The following POLR3B variants were observed in gnomAD, a reference collection of about 807,000 sequenced individuals.
The protein encoded by POLR3B is DNA-directed RNA polymerase III subunit RPC2.
In POLR3B, 96 loss-of-function variants were observed where a neutral mutation model predicts 147.4. The observed-to-expected ratio is 0.65, with a 90% CI of 0.55 to 0.77. The LOEUF is 0.77. Among genes scored for constraint, POLR3B ranks in the 30% least tolerant of loss-of-function variants. POLR3B has a pLI of 0.00. For missense variants in POLR3B, 1,036 were observed against 1,413.5 expected (o/e 0.73, Z 4.28); for synonymous variants, 461 against 485.9 (o/e 0.95, Z 0.67).
intron 19 of POLR3B, chr12:106,446,337 G>A (rs1565899036): frequency 4.7e-6 from 2 of 425,094 alleles, no homozygotes; most frequent in South Asian, 3.4e-5. Flanking sequence ...CTATCTCTAT[G>A]TAGTGAAGCT....
rs1565894791 is a variant in POLR3B, at chr12:106,432,448, C to G, written c.1595C>G (p.Ser532Cys). 2.5e-6 allele frequency: 4 copies of G among 1,613,330 alleles called. No individual in the cohort carries two copies. The highest frequency in any genetic ancestry group is 3.4e-6 in the Non-Finnish European group (4 of 1,179,334). The change falls in exon 15 of 28, where the codon TCT becomes TGT. Residue 532 changes from serine to cysteine, a missense_variant. Physicochemically the swap from Ser to Cys is moderately radical, Grantham distance 112. Around this residue, in one of 12 missense-constraint regions of POLR3B, gnomAD observed 177 missense variants for 232.7 expected, o/e 0.76. Transcript: ENST00000228347. The part of the protein sequence containing the change: ...DVNLLCGEEL[S>C]YPNVFLVFLN... The stretch of plus-strand genomic sequence containing the variant: ...AATTTATTATGTGGGGAAGAGCTCT[C>G]TTACCCAAATGTGTTTCTTGTCTTT...
At chr12:106,374,719 C>G (rs1593004604) in intron 6 of POLR3B, among the ~76,000 whole-genome samples, 1 of 151,958 alleles carries the variant, frequency 6.6e-6, no homozygotes. Context: ...GGTTTCACCA[C>G]GTTGACCAGG....
At chr12:106,419,815 T>TA (rs397828277) in intron 12 of POLR3B, among the ~76,000 whole-genome samples, 3 of 141,188 alleles carry the variant, frequency 2.1e-5, no homozygotes, top group Admixed American at 7.1e-5. Context: ...TTTTTTTTTT[T>TA]AATGAACTTG....
chr12:106,360,125 C>G (rs925368731), intron 1 of POLR3B, among the ~76,000 whole-genome samples: 1 of 152,200 alleles, frequency 6.6e-6, no homozygotes, highest in Non-Finnish European at 1.5e-5. Flanking sequence ...AACGACTGTC[C>G]TCTCTTACTT....
At chr12:106,498,082 C>T (rs955229916) in intron 25 of POLR3B, among the ~76,000 whole-genome samples, 16 of 152,182 alleles carry the variant, frequency 1.1e-4, no homozygotes, top group African/African-American at 3.6e-4. Context: ...AATACAAGTA[C>T]ATATAGCTCT....
chr12:106,432,352 C>T lies in POLR3B; in HGVS notation c.1499C>T (p.Thr500Ile). 6.2e-7 allele frequency: 1 copy of T among 1,613,746 alleles called. No individual in the cohort carries two copies. Among genetic ancestry groups the T allele is most frequent in the Non-Finnish European group, 8.5e-7 (1 of 1,179,692 alleles). ...CGLVKNLALM[T>I]HITTDMEDGP... ...TTGGTTAAAAACTTGGCCCTTATGA[C>T]ACACATCACAACTGATATGGAAGAT... The change falls in exon 15 of 28, where the codon ACA (threonine) becomes ATA (isoleucine). Residue 500 changes from threonine (T) to isoleucine (I), a missense_variant. Physicochemically the swap from Thr to Ile is moderately conservative, Grantham distance 89 (BLOSUM62 -1). This residue lies in a region of POLR3B where 177 missense variants were observed against 232.7 expected (regional missense o/e 0.76). Transcript: ENST00000228347.
intron 18 of POLR3B, among the ~76,000 whole-genome samples, chr12:106,438,051 C>T (rs754810317): frequency 6.6e-6 from 1 of 152,128 alleles, no homozygotes; most frequent in Non-Finnish European, 1.5e-5. Flanking sequence ...CCCCCAACCC[C>T]CTAACAGTCC....
intron 16 of POLR3B, among the ~76,000 whole-genome samples, chr12:106,436,046 C>T (rs2037572201): frequency 6.6e-6 from 1 of 152,180 alleles, no homozygotes; most frequent in Non-Finnish European, 1.5e-5. Context: ...GGCTCTGCTT[C>T]CCTACCAAGA....
chr12:106,437,002 C>A (rs2037585411), intron 16 of POLR3B, 55 bp from the exon 17 acceptor site: 1 of 1,337,666 alleles, frequency 7.5e-7, no homozygotes, highest in Non-Finnish European at 1.1e-6. Context: ...ACTAACTTGC[C>A]TGTGTAATTT....
chr12:106,384,791 G>T (rs187229361), intron 9 of POLR3B, among the ~76,000 whole-genome samples: 12 of 151,952 alleles, frequency 7.9e-5, no homozygotes, highest in Admixed American at 7.2e-4. Flanking sequence ...AGTGCTGTTG[G>T]CTAACTTCAA....
intron 9 of POLR3B, among the ~76,000 whole-genome samples, chr12:106,385,459 A>C (rs2036822833): frequency 6.6e-6 from 1 of 152,222 alleles, no homozygotes; most frequent in African/African-American, 2.4e-5. Flanking sequence ...TAGTGGAAAT[A>C]ATTTTTGAGT....
chr12:106,389,475 A>G (rs975704975), intron 9 of POLR3B, among the ~76,000 whole-genome samples: 3 of 152,196 alleles, frequency 2.0e-5, no homozygotes, highest in Middle Eastern at 3.2e-3. Flanking sequence ...TGAAATCACC[A>G]CTTAGATTCA....
chr12:106,366,736 A>G lies in POLR3B; in HGVS notation c.227+14A>G. The G allele has an allele frequency of 1.9e-6, 3 of 1,588,436 alleles. No individual in the cohort carries two copies. The highest frequency in any genetic ancestry group is 4.5e-5 in the East Asian group (2 of 44,730). On this transcript the variant is annotated intron_variant, in intron 4 of 27. Coordinates refer to ENST00000228347, the MANE Select transcript of POLR3B (RefSeq NM_018082.6). ...GTGGTACTTAAAGTAAGGAACCAACATTCTTAATTTGCTATGTGGGTTACA... is the reference window on the plus strand; with the variant it reads ...GTGGTACTTAAAGTAAGGAACCAACGTTCTTAATTTGCTATGTGGGTTACA...
At chr12:106,358,102 C>G in intron 1 of POLR3B, 151 bp downstream of exon 1, 2 of 1,512,940 alleles carry the variant, frequency 1.3e-6, no homozygotes, top group Admixed American at 2.1e-5. Flanking sequence ...GCTTGCGAGT[C>G]TTTTTTCCAG....
rs1227086094 is a variant in POLR3B at position 106,378,352 on chromosome 12, T to C, written c.582T>C (p.Asp194=). 7 of 1,613,252 alleles carry C rather than the reference T, an allele frequency of 4.3e-6. No individual in the cohort carries two copies. Among genetic ancestry groups the C allele is most frequent in the Non-Finnish European group, 1.7e-6 (2 of 1,179,344 alleles). The change falls in exon 8 of 28, where the codon GAT becomes GAC. Residue 194 remains aspartate (D), a synonymous_variant. Coordinates refer to ENST00000228347, the MANE Select transcript of POLR3B (RefSeq NM_018082.6). ...AGAACAGGATCATCGTGGAGGCTGA[T>C]AGAAAAGGGGCTGTTGGAGCTTCAG... is the stretch of plus-strand genomic sequence containing the variant. ...LSKNRIIVEA[D]RKGAVGASVT...
intron 12 of POLR3B, among the ~76,000 whole-genome samples, chr12:106,414,848 A>C (rs1220567068): frequency 6.6e-6 from 1 of 152,198 alleles, no homozygotes; most frequent in African/African-American, 2.4e-5. Context: ...TGTTCATCAC[A>C]TATTTGTTGT....
At chr12:106,488,690 T>G (rs1271345558) in intron 23 of POLR3B, among the ~76,000 whole-genome samples, 1 of 152,214 alleles carries the variant, frequency 6.6e-6, no homozygotes, top group East Asian at 1.9e-4. Context: ...GAAATTATGT[T>G]TGGAATTAGA....
chr12:106,400,223 A>C (rs2037042911), intron 10 of POLR3B, among the ~76,000 whole-genome samples: 1 of 152,218 alleles, frequency 6.6e-6, no homozygotes, highest in East Asian at 1.9e-4. Context: ...AACAAAGATC[A>C]AAAGAGACAA....
At chr12:106,362,680 T>A (rs114116318) in intron 1 of POLR3B, among the ~76,000 whole-genome samples, 4,955 of 152,160 alleles carry the variant, frequency 0.033, 139 homozygotes, top group African/African-American at 0.075. Context: ...AATGACTCAT[T>A]TTACTTAATC....
Sources: allele counts gnomAD v4.1 joint callset (sites outside exome capture counted in the v4.1 genomes callset), GRCh38; gene constraint gnomAD v4.1.1; regional missense constraint gnomAD v4.1.1; transcripts MANE v1.5; gene names NCBI Gene and HGNC (gene_info 2026-07-23, HGNC 2026-07-21).